Variants in APAF1 observed in about 807,000 individuals in gnomAD.
The protein encoded by APAF1 is apoptotic peptidase activating factor 1, also known as apoptotic protease-activating factor 1.
APAF1 carries 91 observed loss-of-function variants against 152.4 expected under a neutral mutation model. That is an observed-to-expected ratio of 0.60 (90% CI 0.50 to 0.71). The LOEUF (loss-of-function observed/expected upper bound fraction) is 0.71, where lower values mean the gene tolerates loss of function less well. APAF1 is among the 30% of genes least tolerant of loss of function. The pLI is 0.00. For synonymous variants in APAF1, 484 were observed against 494.1 expected (o/e 0.98, Z 0.27); for missense variants, 1,283 against 1,472.0 (o/e 0.87, Z 2.10).
At chr12:98,659,584 T>C (rs2097662197) in intron 5 of APAF1, among the ~76,000 whole-genome samples, 2 of 151,966 alleles carry the variant, frequency 1.3e-5, no homozygotes, top group Non-Finnish European at 2.9e-5. Flanking sequence ...AAACCCCATC[T>C]CTACTAAACA....
At chr12:98,700,961 T>C (rs2097714784) in intron 17 of APAF1, among the ~76,000 whole-genome samples, 1 of 152,194 alleles carries the variant, frequency 6.6e-6, no homozygotes, top group Non-Finnish European at 1.5e-5. Context: ...TGAATAATAT[T>C]CCATTGTATG....
rs1450494214 is a variant in APAF1 at position 98,662,718 on chromosome 12, A to G, written c.867A>G (p.Glu289=). The G allele has an allele frequency of 6.2e-7, 1 of 1,613,200 alleles. No homozygotes were observed. The highest frequency in any genetic ancestry group is 8.5e-7 in the Non-Finnish European group (1 of 1,179,686). Reference sequence around the variant, plus strand: ...CTGTGGAGAGTTCCTTAGGAAAGGAAAAAGGACTTGAAATTTTATCCCTTT... The same window carrying G: ...CTGTGGAGAGTTCCTTAGGAAAGGAGAAAGGACTTGAAATTTTATCCCTTT... ...VVPVESSLGK[E]KGLEILSLFV... Residue 289 remains glutamate (E), a synonymous_variant, in exon 7 of 27, where the codon GAA becomes GAG. Coordinates refer to ENST00000551964, the MANE Select transcript of APAF1 (RefSeq NM_181861.2).
At chr12:98,705,863 A>G (rs778576678) in intron 18 of APAF1, among the ~76,000 whole-genome samples, 8 of 152,200 alleles carry the variant, frequency 5.3e-5, no homozygotes, top group Non-Finnish European at 7.4e-5. Flanking sequence ...TGACTTTTTT[A>G]AAGTGATAAA....
At chr12:98,660,921 G>A (rs182638539) in intron 5 of APAF1, among the ~76,000 whole-genome samples, 99 of 152,276 alleles carry the variant, frequency 6.5e-4, no homozygotes, top group African/African-American at 2.3e-3. Context: ...TTTGGGAAAA[G>A]CCTACTAGGT....
intron 16 of APAF1, among the ~76,000 whole-genome samples, chr12:98,687,868 A>G (rs748354219): frequency 5.9e-5 from 9 of 152,102 alleles, no homozygotes; most frequent in Admixed American, 2.6e-4. Context: ...CTGGAGTACA[A>G]TGGTGTGATC....
At chr12:98,688,462 T>TTTTC (rs1262750877) in intron 16 of APAF1, among the ~76,000 whole-genome samples, 7 of 127,312 alleles carry the variant, frequency 5.5e-5, no homozygotes, top group African/African-American at 1.8e-4. Flanking sequence ...TCTACCACTG[T>TTTTC]TTTCTTTCTT....
At chr12:98,723,821 G>T (rs1172531335) in intron 24 of APAF1, 57 bp downstream of exon 24, 4 of 1,560,802 alleles carry the variant, frequency 2.6e-6, no homozygotes, top group African/African-American at 2.7e-5. Flanking sequence ...TGTATAATGA[G>T]TTCAAATAAT....
rs753865642 is a variant in APAF1, at chr12:98,715,487, T to C, written c.3019T>C (p.Trp1007Arg). Residue 1007 changes from tryptophan (W) to arginine (R), a missense_variant, in exon 22 of 27, where the codon TGG (tryptophan) becomes CGG (arginine). Trp to Arg is a moderately radical substitution (Grantham distance 101, BLOSUM62 -3). Transcript: ENST00000551964. Reference sequence around the variant, plus strand: ...CAGGTTTCAGCACAAGAAAACTGTATGGCACATCCAGTTCACAGCCGATGA... The same window carrying C: ...CAGGTTTCAGCACAAGAAAACTGTACGGCACATCCAGTTCACAGCCGATGA... ...QSRFQHKKTV[W>R]HIQFTADEKT... 3.1e-6 allele frequency: 5 copies of C among 1,613,638 alleles called. No homozygotes were observed. The South Asian group carries it at 5.5e-5, about 18-fold the overall frequency.
intron 16 of APAF1, among the ~76,000 whole-genome samples, chr12:98,697,660 G>A (rs2097711335): frequency 6.6e-6 from 1 of 152,190 alleles, no homozygotes; most frequent in Non-Finnish European, 1.5e-5. Flanking sequence ...GCCCATGTTT[G>A]TGGTGGCTTT....
intron 12 of APAF1, 36 bp downstream of exon 12, chr12:98,671,755 G>T: frequency 6.3e-7 from 1 of 1,585,436 alleles, no homozygotes; most frequent in Non-Finnish European, 8.7e-7. Context: ...AGGGAGTGGT[G>T]CGCTAACTAT....
In APAF1 at chr12:98,705,984, C is replaced by CTA. The variant is rs1368290321; in HGVS notation, c.2596-499_2596-498dup. ...CTCCCTCCTTCCCTGCATATGTAAA[C>CTA]TATTTTCTGTTTTTGGCTTAACTGT... On this transcript the variant is annotated intron_variant, in intron 18 of 26. Coordinates refer to ENST00000551964, the MANE Select transcript of APAF1 (RefSeq NM_181861.2). Among the ~76,000 whole-genome samples the CTA allele has an allele frequency of 2.0e-5, 3 of 152,144 alleles. No homozygotes were observed. The East Asian group carries it at 5.8e-4, about 29-fold the overall frequency.
chr12:98,723,613 C>G (rs755683310), intron 23 of APAF1, 26 bp from the exon 24 acceptor site: 1 of 1,491,636 alleles, frequency 6.7e-7, no homozygotes. Context: ...GTGTCAACCT[C>G]CAAGTGTTTT....
chr12:98,685,560 C>T (rs1453836032), intron 15 of APAF1, among the ~76,000 whole-genome samples: 2 of 152,160 alleles, frequency 1.3e-5, no homozygotes, highest in Non-Finnish European at 2.9e-5. Flanking sequence ...TGGTCTCAAT[C>T]TCCTGATCTT....
Position 98,671,676 on chromosome 12 carries a change from G to A in APAF1, c.1750G>A (p.Ala584Thr). ...SEVYQQAKLQ[A>T]KQEVDNGMLY... ...AGTTTATCAGCAAGCTAAGCTGCAG[G>A]CCAAGCAGGAGGTCGATAATGGAAT... Residue 584 changes from alanine (A) to threonine (T), a missense_variant, in exon 12 of 27, where the codon GCC becomes ACC. Physicochemically the swap from Ala to Thr is moderately conservative, Grantham distance 58. Coordinates refer to ENST00000551964, the MANE Select transcript of APAF1 (RefSeq NM_181861.2). 8 of 1,614,098 alleles carry A rather than the reference G, an allele frequency of 5.0e-6. No homozygotes were observed. The highest frequency in any genetic ancestry group is 6.8e-6 in the Non-Finnish European group (8 of 1,180,026).
At chr12:98,679,105 T>C (rs1158964695) in intron 13 of APAF1, among the ~76,000 whole-genome samples, 1 of 152,196 alleles carries the variant, frequency 6.6e-6, no homozygotes, top group Non-Finnish European at 1.5e-5. Flanking sequence ...TATAGTGCCT[T>C]TTCCAGGCTT....
At chr12:98,687,664 G>A (rs990729219) in intron 16 of APAF1, among the ~76,000 whole-genome samples, 1 of 152,140 alleles carries the variant, frequency 6.6e-6, no homozygotes, top group Non-Finnish European at 1.5e-5. Context: ...ATCCATTCAT[G>A]AGGGTAGCGC....
intron 26 of APAF1, among the ~76,000 whole-genome samples, chr12:98,728,743 C>T (rs1428724505): frequency 6.6e-6 from 1 of 152,030 alleles, no homozygotes. Flanking sequence ...ACAAAAAAAC[C>T]AAAAATAAAG....
intron 4 of APAF1, among the ~76,000 whole-genome samples, chr12:98,657,922 T>C (rs558298604): frequency 3.9e-5 from 6 of 152,344 alleles, no homozygotes; most frequent in African/African-American, 1.4e-4. Context: ...AAATATCTGA[T>C]GTAAATAGAT....
At chr12:98,719,831 A>G (rs2153342251) in intron 22 of APAF1, among the ~76,000 whole-genome samples, 1 of 152,254 alleles carries the variant, frequency 6.6e-6, no homozygotes, top group South Asian at 2.1e-4. Flanking sequence ...TGTTCAGTGG[A>G]AATTATTATA....
Sources: allele counts gnomAD v4.1 joint callset (sites outside exome capture counted in the v4.1 genomes callset), GRCh38; gene constraint gnomAD v4.1.1; transcripts MANE v1.5; gene names NCBI Gene and HGNC (gene_info 2026-07-23, HGNC 2026-07-21).